The following FHIT variants were observed in gnomAD, a reference collection of about 807,000 sequenced individuals.
FHIT encodes the protein fragile histidine triad diadenosine triphosphatase.
In FHIT, 19 loss-of-function variants were observed where a neutral mutation model predicts 17.9. The ratio of observed to expected loss-of-function variants is 1.06; its 90% CI spans 0.74 to 1.56. The LOEUF is 1.56. Ranked by LOEUF, FHIT falls within the 40% of genes most tolerant of loss-of-function variation. FHIT has a pLI of 0.00. For synonymous variants in FHIT, 81 were observed against 69.7 expected, an observed-to-expected ratio of 1.16 and a Z score of -0.81; for missense variants, 248 against 189.2, an observed-to-expected ratio of 1.31 and a Z score of -1.82.
intron 5 of FHIT, among the ~76,000 whole-genome samples, chr3:60,348,886 C>T (rs755768543): frequency 5.3e-5 from 8 of 152,198 alleles, no homozygotes; most frequent in Non-Finnish European, 8.8e-5. Context: ...TAGAGCGGAG[C>T]TAAGTCATTC....
chr3:59,948,451 AG>A (rs1309503459), intron 7 of FHIT, among the ~76,000 whole-genome samples: 1 of 151,848 alleles, frequency 6.6e-6, no homozygotes, highest in Non-Finnish European at 1.5e-5. Context: ...TGGGAGGTGG[AG>A]GTTGCAGTGA....
rs149673699 is a variant in FHIT at position 59,922,775 on chromosome 3, T to C, written c.280-361A>G. On this transcript the variant is annotated intron_variant, in intron 7 of 9. Coordinates refer to ENST00000492590, the MANE Select transcript of FHIT (RefSeq NM_002012.4). ...TCTGAAACTGACAAGAAATAAGAAT[T>C]GGCTAACAGAGAACTGCATAAGTAA... is the stretch of plus-strand genomic sequence containing the variant. Among the ~76,000 whole-genome samples, 14 of 152,252 alleles carry C rather than the reference T, an allele frequency of 9.2e-5. No individual in the cohort carries two copies. The East Asian group carries it at 1.5e-3, about 17-fold the overall frequency.
chr3:60,546,772 A>G (rs553829422), intron 4 of FHIT, among the ~76,000 whole-genome samples: 1 of 152,174 alleles, frequency 6.6e-6, no homozygotes, highest in African/African-American at 2.4e-5. Context: ...GAACCTTCTA[A>G]TCCTCAGACA....
chr3:60,135,466 G>C (rs1031024319), intron 5 of FHIT, among the ~76,000 whole-genome samples: 1 of 152,024 alleles, frequency 6.6e-6, no homozygotes, highest in Non-Finnish European at 1.5e-5. Context: ...CCTACAATGG[G>C]GTTTTAATCA....
At position 60,444,408 on chromosome 3, in the gene FHIT, G is replaced by A. The variant is rs149605135; in HGVS notation, c.103+92452C>T. Among the ~76,000 whole-genome samples, 1,115 of 152,110 alleles carry A rather than the reference G, an allele frequency of 7.3e-3. 13 individuals carry two copies. Among genetic ancestry groups the A allele is most frequent in the African/African-American group, 0.025 (1,050 of 41,494 alleles). ...ACACGTGCACACGTATGTTTATTGC[G>A]GCACTACTCACAATAGCAAAGACTT... On this transcript the variant is annotated intron_variant, in intron 5 of 9. Transcript: ENST00000492590.
At chr3:59,854,573 C>G (rs1702075383) in intron 8 of FHIT, among the ~76,000 whole-genome samples, 1 of 152,164 alleles carries the variant, frequency 6.6e-6, no homozygotes, top group Admixed American at 6.5e-5. Context: ...AGAGCACTCT[C>G]TAGTCCAAGC....
intron 5 of FHIT, among the ~76,000 whole-genome samples, chr3:60,470,269 C>T (rs2033022189): frequency 6.6e-6 from 1 of 152,044 alleles, no homozygotes. Context: ...TATGGGAAAT[C>T]CTGCCAGGCT....
intron 5 of FHIT, among the ~76,000 whole-genome samples, chr3:60,366,845 A>G (rs546037955): frequency 1.6e-4 from 24 of 152,296 alleles, no homozygotes; most frequent in East Asian, 7.7e-4. Context: ...CAACCCTACC[A>G]AAGTCAGAAA....
chr3:60,210,695 A>T (rs944166385), intron 5 of FHIT, among the ~76,000 whole-genome samples: 1 of 152,152 alleles, frequency 6.6e-6, no homozygotes, highest in Non-Finnish European at 1.5e-5. Flanking sequence ...AAACAATACT[A>T]ATATAACATT....
At chr3:59,928,994 CAAAAAAAAAAAAA>C (rs56107626) in intron 7 of FHIT, among the ~76,000 whole-genome samples, 9 of 33,142 alleles carry the variant, frequency 2.7e-4, no homozygotes, top group Admixed American at 1.4e-3. Context: ...GACTTCATCT[CAAAAAAAAAAAAA>C]AAAAAAAAAA....
chr3:60,846,037 G>A (rs1031334286), intron 3 of FHIT, among the ~76,000 whole-genome samples: 1 of 152,098 alleles, frequency 6.6e-6, no homozygotes, highest in Non-Finnish European at 1.5e-5. Context: ...AAGCACTTAC[G>A]GCTTTATTCC....
intron 7 of FHIT, among the ~76,000 whole-genome samples, chr3:59,933,973 G>T (rs867995046): frequency 5.3e-5 from 8 of 151,866 alleles, no homozygotes; most frequent in Non-Finnish European, 7.4e-5. Flanking sequence ...GCTCTGGGAG[G>T]GAAAAGAAAT....
chr3:60,602,333 T>C (rs1373850193), intron 4 of FHIT, among the ~76,000 whole-genome samples: 1 of 152,138 alleles, frequency 6.6e-6, no homozygotes, highest in Admixed American at 6.6e-5. Context: ...CCTCACACTT[T>C]CTACAGCAAC....
intron 5 of FHIT, among the ~76,000 whole-genome samples, chr3:60,472,242 T>C (rs1204253472): frequency 6.6e-6 from 1 of 152,152 alleles, no homozygotes; most frequent in Admixed American, 6.5e-5. Context: ...AAACAACTGG[T>C]TCATCCTTAG....
At chr3:60,490,885 C>G (rs2034034841) in intron 5 of FHIT, among the ~76,000 whole-genome samples, 1 of 152,136 alleles carries the variant, frequency 6.6e-6, no homozygotes, top group South Asian at 2.1e-4. Context: ...GTAACTTGCA[C>G]AGGTAGCCAA....
chr3:60,826,329 G>A (rs1702121869), intron 3 of FHIT, among the ~76,000 whole-genome samples: 1 of 150,738 alleles, frequency 6.6e-6, no homozygotes, highest in African/African-American at 2.5e-5. Context: ...GTTTTGTTTT[G>A]TTTTGTTTTG....
chr3:59,819,293 C>A (rs1163260170), intron 8 of FHIT, among the ~76,000 whole-genome samples: 1 of 152,146 alleles, frequency 6.6e-6, no homozygotes, highest in East Asian at 1.9e-4. Flanking sequence ...ACCTAAATTA[C>A]ATACCAATTT....
intron 4 of FHIT, among the ~76,000 whole-genome samples, chr3:60,728,704 T>TACACACACACACACAC (rs56012549): frequency 2.0e-5 from 3 of 147,306 alleles, no homozygotes; most frequent in African/African-American, 7.5e-5. Context: ...CACACACACA[T>TACACACACACACACAC]ACACACACAC....
At chr3:59,832,690 A>G (rs1007086321) in intron 8 of FHIT, among the ~76,000 whole-genome samples, 1 of 152,146 alleles carries the variant, frequency 6.6e-6, no homozygotes, top group Non-Finnish European at 1.5e-5. Flanking sequence ...AGAAATAAAT[A>G]TTTGTTTATT....
Sources: allele counts gnomAD v4.1 joint callset (sites outside exome capture counted in the v4.1 genomes callset), GRCh38; gene constraint gnomAD v4.1.1; transcripts MANE v1.5; gene names NCBI Gene and HGNC (gene_info 2026-07-23, HGNC 2026-07-21).